The following SYT17 variants were observed in gnomAD, a reference collection of about 807,000 sequenced individuals.
SYT17 encodes the protein synaptotagmin 17.
A neutral mutation model predicts 46.7 loss-of-function variants in SYT17; 22 were observed. That is an observed-to-expected ratio of 0.47 (90% CI 0.34 to 0.67). The LOEUF (loss-of-function observed/expected upper bound fraction) is 0.67. SYT17 is among the 30% of genes least tolerant of loss of function. SYT17 has a pLI of 0.01. For missense variants in SYT17, 519 were observed against 612.8 expected, an observed-to-expected ratio of 0.85 and a Z score of 1.62; for synonymous variants, 251 against 248.4, an observed-to-expected ratio of 1.01 and a Z score of -0.10.
chr16:19,245,445 G>A (rs576954262), intron 7 of SYT17, among the ~76,000 whole-genome samples: 1 of 152,280 alleles, frequency 6.6e-6, no homozygotes, highest in East Asian at 1.9e-4. Context: ...GGTTTTTGGG[G>A]TGAGGTGGTG....
At chr16:19,249,089 A>G (rs1337573978) in intron 7 of SYT17, among the ~76,000 whole-genome samples, 1 of 152,076 alleles carries the variant, frequency 6.6e-6, no homozygotes, top group African/African-American at 2.4e-5. Context: ...CCTGGCTAAC[A>G]TGGTGAAACC....
At chr16:19,188,062 T>C (rs1404599618) in intron 5 of SYT17, among the ~76,000 whole-genome samples, 1 of 152,142 alleles carries the variant, frequency 6.6e-6, no homozygotes, top group African/African-American at 2.4e-5. Context: ...CTATTCACAA[T>C]AGCAAAGGCA....
At chr16:19,172,133 T>C (rs1364952141) in intron 1 of SYT17, 2 of 177,240 alleles carry the variant, frequency 1.1e-5, no homozygotes, top group Middle Eastern at 2.7e-3. Flanking sequence ...GTCTGTGCCT[T>C]GAGAACCCAG....
chr16:19,189,041 C>G (rs1964905130), intron 5 of SYT17, among the ~76,000 whole-genome samples: 1 of 152,132 alleles, frequency 6.6e-6, no homozygotes, highest in South Asian at 2.1e-4. Context: ...CGCCCACCAC[C>G]ACGCCCGGCT....
chr16:19,240,381 C>T (rs543408803), intron 7 of SYT17, among the ~76,000 whole-genome samples: 11 of 152,276 alleles, frequency 7.2e-5, no homozygotes, highest in South Asian at 6.2e-4. Flanking sequence ...CGTGTCCCAA[C>T]GAGTGTTCAG....
At chr16:19,232,091 C>T (rs186836138) in intron 7 of SYT17, among the ~76,000 whole-genome samples, 19 of 152,264 alleles carry the variant, frequency 1.2e-4, no homozygotes, top group Non-Finnish European at 2.2e-4. Flanking sequence ...TTGAGGCTGA[C>T]GTCATACTTC....
intron 3 of SYT17, among the ~76,000 whole-genome samples, chr16:19,176,742 C>G (rs1305822878): frequency 6.6e-6 from 1 of 152,168 alleles, no homozygotes; most frequent in Non-Finnish European, 1.5e-5. Context: ...GTCTTAAACT[C>G]CTGACCTCAA....
At chr16:19,265,100 G>T (rs1422610698) in intron 7 of SYT17, among the ~76,000 whole-genome samples, 1 of 152,148 alleles carries the variant, frequency 6.6e-6, no homozygotes, top group African/African-American at 2.4e-5. Context: ...AGGGGACTCT[G>T]GTAACTTGTC....
At chr16:19,241,546 C>A (rs144943494) in intron 7 of SYT17, among the ~76,000 whole-genome samples, 1 of 152,144 alleles carries the variant, frequency 6.6e-6, no homozygotes, top group East Asian at 1.9e-4. Flanking sequence ...CAGCCTGGGG[C>A]GGGGGCCCAG....
chr16:19,199,087 T>C (rs1047685738), intron 5 of SYT17, among the ~76,000 whole-genome samples: 3 of 152,180 alleles, frequency 2.0e-5, no homozygotes, highest in Non-Finnish European at 4.4e-5. Flanking sequence ...TCAACATTGA[T>C]TGACCACATA....
At position 19,183,857 on chromosome 16, in the gene SYT17, C is replaced by T. The variant is rs575006157; in HGVS notation, c.661C>T (p.Arg221Cys). Residue 221 changes from arginine to cysteine, a missense_variant, in exon 5 of 8, where the codon CGC (arginine) becomes TGC (cysteine). Coordinates refer to ENST00000355377, the MANE Select transcript of SYT17 (RefSeq NM_016524.4). This position sits in a 1 kb window ranked among gnomAD's most constrained non-coding sequence, Gnocchi z 5.6. ...ACCTCCCATCTCCCACGATGGCTCGCGCCAGGACATGGCGCACTCCAACCC... is the reference window on the plus strand; with the variant it reads ...ACCTCCCATCTCCCACGATGGCTCGTGCCAGGACATGGCGCACTCCAACCC... Reference protein sequence around the residue: ...LPPPISHDGSRQDMAHSNPYV... With the variant: ...LPPPISHDGSCQDMAHSNPYV... 48 of 1,614,148 alleles carry T rather than the reference C, an allele frequency of 3.0e-5. No individual in the cohort carries two copies. The East Asian group carries it at 4.0e-4, about 13-fold the overall frequency.
intron 5 of SYT17, among the ~76,000 whole-genome samples, chr16:19,199,531 G>T (rs1235694004): frequency 1.3e-5 from 2 of 152,102 alleles, no homozygotes; most frequent in Non-Finnish European, 2.9e-5. Context: ...CTTGAGGCCA[G>T]GAATCCAAAC....
At chr16:19,248,392 A>T (rs1967748181) in intron 7 of SYT17, among the ~76,000 whole-genome samples, 1 of 152,182 alleles carries the variant, frequency 6.6e-6, no homozygotes, top group Non-Finnish European at 1.5e-5. Flanking sequence ...GAGAAACAAA[A>T]ACATATGTCT....
At position 19,267,175 on chromosome 16, in the gene SYT17, C is replaced by T. The variant is rs148182111; in HGVS notation, c.*99C>T. 9 of 1,065,882 alleles carry T rather than the reference C, an allele frequency of 8.4e-6. No individual in the cohort carries two copies. Among genetic ancestry groups the T allele is most frequent in the East Asian group, 5.2e-5 (2 of 38,254 alleles). 66.0% of individuals were successfully genotyped at this position (1,065,882 alleles called of 1,614,324 possible). On this transcript the variant is annotated 3_prime_UTR_variant, in exon 8 of 8. Transcript: ENST00000355377. ...TTACATCCACACCTGCATACACACT[C>T]GCAACATGTCTACACACGTCCACAC...
intron 5 of SYT17, chr16:19,211,322 C>A: frequency 1.5e-6 from 1 of 683,966 alleles, no homozygotes; most frequent in Non-Finnish European, 2.7e-6. Flanking sequence ...GACAACCCCT[C>A]TCGGCCCGTG....
chr16:19,218,886 C>G (rs1966194323), intron 5 of SYT17, among the ~76,000 whole-genome samples: 1 of 152,160 alleles, frequency 6.6e-6, no homozygotes, highest in African/African-American at 2.4e-5. Context: ...TCCCTCCATC[C>G]CAGACCTTGC....
At chr16:19,220,303 C>CTTTCTTTTTTTTTTTTTT (rs776097400) in intron 5 of SYT17, among the ~76,000 whole-genome samples, 7 of 80,496 alleles carry the variant, frequency 8.7e-5, no homozygotes, top group Admixed American at 3.5e-4. Context: ...TTCTTTCTTT[C>CTTTCTTTTTTTTTTTTTT]TTTTTTTTTT....
intron 6 of SYT17, 45 bp from the exon 7 acceptor site, chr16:19,224,638 G>A: frequency 6.2e-7 from 1 of 1,604,606 alleles, no homozygotes; most frequent in Non-Finnish European, 8.5e-7. Context: ...GACGGATTAG[G>A]TTTCATGATC....
Position 19,168,346 on chromosome 16 carries a change from G to A in SYT17, c.-301G>A. 1 of 477,382 alleles carries A rather than the reference G, an allele frequency of 2.1e-6. No individual in the cohort carries two copies. The highest frequency in any genetic ancestry group is 3.7e-6 in the Non-Finnish European group (1 of 271,026). 29.6% of individuals were successfully genotyped at this position (477,382 alleles called of 1,614,324 possible). Reference sequence around the variant, plus strand: ...GCGCCCCGGCCTTATTCCAGCCTGGGGAGCGCCTCGGTGGGGAGCACGGGA... The same window carrying A: ...GCGCCCCGGCCTTATTCCAGCCTGGAGAGCGCCTCGGTGGGGAGCACGGGA... On this transcript the variant is annotated 5_prime_UTR_variant, in exon 1 of 8. Coordinates refer to ENST00000355377, the MANE Select transcript of SYT17 (RefSeq NM_016524.4). The surrounding 1 kb of genome is among the most constrained non-coding windows in gnomAD (Gnocchi z 6.9).
Sources: allele counts gnomAD v4.1 joint callset (sites outside exome capture counted in the v4.1 genomes callset), GRCh38; gene constraint gnomAD v4.1.1; non-coding constraint Gnocchi (gnomAD v3.1); transcripts MANE v1.5; gene names NCBI Gene and HGNC (gene_info 2026-07-23, HGNC 2026-07-21).